Variants in SLC4A4 observed in about 807,000 individuals in gnomAD.
The protein encoded by SLC4A4 is electrogenic sodium bicarbonate cotransporter 1.
A neutral mutation model predicts 111.5 loss-of-function variants in SLC4A4; 27 were observed. That is an observed-to-expected ratio of 0.24 (90% CI 0.18 to 0.33). The LOEUF is 0.33. Ranked by LOEUF, SLC4A4 falls within the 10% of genes least tolerant of loss-of-function variation. The probability of loss-of-function intolerance (pLI) is 1.00; values close to 1 mark genes in which losing one functional copy is unlikely to be tolerated. For missense variants in SLC4A4, 909 were observed against 1,315.5 expected (o/e 0.69, Z 4.78); for synonymous variants, 443 against 463.4 (o/e 0.96, Z 0.57).
At chr4:71,086,818 T>G (rs1176886197) in intron 1 of SLC4A4, among the ~76,000 whole-genome samples, 1 of 152,116 alleles carries the variant, frequency 6.6e-6, no homozygotes, top group Non-Finnish European at 1.5e-5. Flanking sequence ...AGTATTTTAT[T>G]GAGGATTTTT....
intron 20 of SLC4A4, among the ~76,000 whole-genome samples, chr4:71,551,010 T>A (rs1735943537): frequency 6.6e-6 from 1 of 151,878 alleles, no homozygotes; most frequent in African/African-American, 2.4e-5. Context: ...GAAGCAAGAA[T>A]AACTGGCGCC....
intron 3 of SLC4A4, among the ~76,000 whole-genome samples, chr4:71,320,071 G>A (rs1726999892): frequency 1.3e-5 from 2 of 152,000 alleles, no homozygotes; most frequent in South Asian, 4.1e-4. Flanking sequence ...CTTGGGGGAA[G>A]GATTGGAGGG....
At chr4:71,463,792 T>C (rs541676265) in intron 12 of SLC4A4, among the ~76,000 whole-genome samples, 48 of 152,246 alleles carry the variant, frequency 3.2e-4, no homozygotes, top group African/African-American at 1.1e-3. Context: ...GTAGAGATGG[T>C]GGATAGCATG....
At chr4:71,484,713 T>C (rs140016912) in intron 14 of SLC4A4, among the ~76,000 whole-genome samples, 1,589 of 151,918 alleles carry the variant, frequency 0.01, 16 homozygotes, top group Middle Eastern at 0.034. Context: ...GGTGGTTCAA[T>C]AGGAATAACA....
chr4:71,458,904 G>A (rs901613219), intron 12 of SLC4A4, among the ~76,000 whole-genome samples: 5 of 151,788 alleles, frequency 3.3e-5, no homozygotes, highest in East Asian at 1.9e-4. Context: ...ATAAGGTGAC[G>A]TTAATCTACA....
chr4:71,169,566 T>G (rs201201243), intron 2 of SLC4A4, among the ~76,000 whole-genome samples: 2 of 152,322 alleles, frequency 1.3e-5, no homozygotes, highest in East Asian at 3.9e-4. Context: ...TTTTTCCTTA[T>G]AGAGTTGTTT....
chr4:71,531,944 T>C (rs1013450091), intron 16 of SLC4A4, 118 bp from the exon 17 acceptor site: 2 of 703,196 alleles, frequency 2.8e-6, no homozygotes, highest in Non-Finnish European at 2.6e-6. Context: ...CTTCAATTTG[T>C]TGATGAAGCT....
intron 3 of SLC4A4, chr4:71,339,017 T>C: frequency 7.1e-7 from 1 of 1,407,540 alleles, no homozygotes; most frequent in Non-Finnish European, 9.3e-7. Context: ...CAAGCTGGCT[T>C]TTGTCTTATA....
chr4:71,564,289 C>T lies in SLC4A4; in HGVS notation c.3196+400C>T, dbSNP rs563397173. On this transcript the variant is annotated intron_variant, in intron 24 of 25. Coordinates refer to ENST00000264485, the MANE Select transcript of SLC4A4 (RefSeq NM_001098484.3). The stretch of plus-strand genomic sequence containing the variant: ...TCAAATCAGCTCAAAAGAGAAATTG[C>T]ATCATTGGTCTCTCAGTGATCAATA... Among the ~76,000 whole-genome samples the T allele has an allele frequency of 3.3e-5, 5 of 151,764 alleles. No individual in the cohort carries two copies. In the East Asian group the frequency reaches 9.8e-4, roughly 30 times the overall value.
intron 16 of SLC4A4, among the ~76,000 whole-genome samples, chr4:71,522,833 T>C (rs1003044149): frequency 1.3e-5 from 2 of 152,214 alleles, no homozygotes; most frequent in African/African-American, 2.4e-5. Flanking sequence ...ATTTAGATAA[T>C]GCAGAATGTT....
chr4:71,286,823 C>T (rs774368249), intron 3 of SLC4A4, among the ~76,000 whole-genome samples: 1 of 152,086 alleles, frequency 6.6e-6, no homozygotes, highest in African/African-American at 2.4e-5. Flanking sequence ...TTATTATGTG[C>T]CAGGCACTAT....
intron 6 of SLC4A4, among the ~76,000 whole-genome samples, chr4:71,364,868 A>G (rs1731105851): frequency 1.3e-5 from 2 of 152,026 alleles, no homozygotes; most frequent in Admixed American, 1.3e-4. Context: ...GCATTTTATT[A>G]TTTTCTGTTT....
chr4:71,078,826 G>GTT (rs369642893), intron 1 of SLC4A4, among the ~76,000 whole-genome samples: 1 of 147,704 alleles, frequency 6.8e-6, no homozygotes, highest in African/African-American at 2.5e-5. Flanking sequence ...TTGTTTGTTT[G>GTT]TTTTTTTTTT....
In SLC4A4 at chr4:71,427,058, C is replaced by G. The variant is rs761555181; in HGVS notation, c.808-13558C>G. Among the ~76,000 whole-genome samples the G allele has an allele frequency of 2.0e-5, 3 of 152,000 alleles. No homozygotes were observed. In the South Asian group the frequency reaches 6.2e-4, roughly 32 times the overall value. ...GGTATGCATAGATAGATGCAAAAATCATGTTTACTTGATGATTTTTCACAA... is the reference window on the plus strand; with the variant it reads ...GGTATGCATAGATAGATGCAAAAATGATGTTTACTTGATGATTTTTCACAA... On this transcript the variant is annotated intron_variant, in intron 7 of 25. Transcript: ENST00000264485.
chr4:71,541,600 C>T (rs1219319909), intron 18 of SLC4A4, among the ~76,000 whole-genome samples: 4 of 152,070 alleles, frequency 2.6e-5, no homozygotes, highest in Non-Finnish European at 4.4e-5. Context: ...TTGTATTGCT[C>T]GGCCTTCTCA....
chr4:71,358,871 T>G (rs1394062887), intron 6 of SLC4A4, among the ~76,000 whole-genome samples: 1 of 152,254 alleles, frequency 6.6e-6, no homozygotes, highest in Non-Finnish European at 1.5e-5. Context: ...CTTTTATTTC[T>G]TATTTAATAA....
intron 3 of SLC4A4, among the ~76,000 whole-genome samples, chr4:71,282,472 A>G (rs1578747700): frequency 2.0e-5 from 3 of 151,570 alleles, no homozygotes; most frequent in South Asian, 2.1e-4. Context: ...TTTAGTAGAG[A>G]TGGGGTTTCT....
chr4:71,092,157 C>A (rs908368734), intron 1 of SLC4A4, among the ~76,000 whole-genome samples: 3 of 152,072 alleles, frequency 2.0e-5, no homozygotes, highest in Non-Finnish European at 2.9e-5. Context: ...TTAAGGGATG[C>A]AAGATAATGT....
At chr4:71,401,000 A>T (rs191561569) in intron 7 of SLC4A4, among the ~76,000 whole-genome samples, 1 of 152,082 alleles carries the variant, frequency 6.6e-6, no homozygotes, top group African/African-American at 2.4e-5. Flanking sequence ...AAAAACTTCC[A>T]TTTGACCAGG....
Sources: gnomAD v4.1 joint callset for allele counts (sites outside exome capture counted in the v4.1 genomes callset) on GRCh38, gnomAD v4.1.1 for gene constraint, MANE v1.5 for transcripts, NCBI Gene and HGNC (gene_info 2026-07-23, HGNC 2026-07-21) for gene names.